Variants in RNF220 observed in about 807,000 individuals in gnomAD.
The protein encoded by RNF220 is E3 ubiquitin-protein ligase RNF220.
RNF220 carries 7 observed loss-of-function variants against 67.1 expected under a neutral mutation model. The ratio of observed to expected loss-of-function variants is 0.10; its 90% CI spans 0.06 to 0.20. The LOEUF (loss-of-function observed/expected upper bound fraction) is 0.20. Ranked by LOEUF, RNF220 falls within the 10% of genes least tolerant of loss-of-function variation. The pLI, the probability that RNF220 is intolerant of heterozygous loss-of-function variation, is 1.00. For synonymous variants in RNF220, 270 were observed against 283.2 expected (o/e 0.95, Z 0.47); for missense variants, 565 against 740.3 (o/e 0.76, Z 2.75).
intron 2 of RNF220, among the ~76,000 whole-genome samples, chr1:44,578,454 A>G (rs1664991952): frequency 1.3e-5 from 2 of 152,138 alleles, no homozygotes. Flanking sequence ...AAGTATTTCA[A>G]TTTGAGTCCA....
intron 2 of RNF220, among the ~76,000 whole-genome samples, chr1:44,544,522 A>T (rs572679333): frequency 7.9e-5 from 12 of 152,314 alleles, no homozygotes; most frequent in African/African-American, 2.9e-4. Flanking sequence ...TATAAATGCC[A>T]CTCAGCATTG....
intron 3 of RNF220, among the ~76,000 whole-genome samples, chr1:44,617,606 C>T (rs1018770204): frequency 6.6e-6 from 1 of 152,246 alleles, no homozygotes; most frequent in African/African-American, 2.4e-5. Context: ...CGCCCCTGCC[C>T]GCTCTCGGGA....
intron 2 of RNF220, among the ~76,000 whole-genome samples, chr1:44,459,626 C>T (rs946294018): frequency 6.6e-6 from 1 of 152,100 alleles, no homozygotes; most frequent in Non-Finnish European, 1.5e-5. Flanking sequence ...TGCAGGTGGA[C>T]CACATGGCCA....
chr1:44,475,169 G>A (rs1655182600), intron 2 of RNF220, among the ~76,000 whole-genome samples: 2 of 152,154 alleles, frequency 1.3e-5, no homozygotes, highest in Non-Finnish European at 2.9e-5. Context: ...TGTGTTTTGG[G>A]TGTGATTTAT....
intron 2 of RNF220, among the ~76,000 whole-genome samples, chr1:44,514,767 G>C (rs1437926270): frequency 6.6e-6 from 1 of 152,188 alleles, no homozygotes; most frequent in African/African-American, 2.4e-5. Context: ...ATTCACATGA[G>C]CTCAAGGGAA....
Position 44,412,186 on chromosome 1 carries a change from C to G in RNF220, c.89C>G (p.Ser30Cys). The stretch of plus-strand genomic sequence containing the variant: ...TCCCCAGCACTGATGGTCCTGGCAT[C>G]CACGGCTGAGGCCAGCCGTGATGCT... ...LASPALMVLASTAEASRDASI... is the reference protein window; with the variant it reads ...LASPALMVLACTAEASRDASI... The change falls in exon 2 of 15, where the codon TCC (serine) becomes TGC (cysteine). Residue 30 changes from serine (S) to cysteine (C), a missense_variant. By Grantham distance (112) the Ser-to-Cys change is moderately radical. Transcript: ENST00000361799. This position sits in a 1 kb window ranked among gnomAD's most constrained non-coding sequence, Gnocchi z 5.3. 1 of 1,614,202 alleles carries G rather than the reference C, an allele frequency of 6.2e-7. No homozygotes were observed. The highest frequency in any genetic ancestry group is 8.5e-7 in the Non-Finnish European group (1 of 1,180,018).
At chr1:44,421,483 T>C (rs1649207646) in intron 2 of RNF220, among the ~76,000 whole-genome samples, 1 of 151,936 alleles carries the variant, frequency 6.6e-6, no homozygotes, top group African/African-American at 2.4e-5. Context: ...CCCCCATCTG[T>C]GTGTGTCACA....
At chr1:44,426,215 G>A (rs1456440553) in intron 2 of RNF220, among the ~76,000 whole-genome samples, 1 of 152,232 alleles carries the variant, frequency 6.6e-6, no homozygotes, top group Non-Finnish European at 1.5e-5. Flanking sequence ...TTGGCTCAGA[G>A]GCACAGTGCT....
chr1:44,604,335 C>T (rs2148405711), intron 2 of RNF220, among the ~76,000 whole-genome samples: 1 of 152,326 alleles, frequency 6.6e-6, no homozygotes, highest in South Asian at 2.1e-4. Flanking sequence ...CTGGGAGGCC[C>T]TGCCTGCCCC....
chr1:44,593,410 T>C (rs1242564915), intron 2 of RNF220, among the ~76,000 whole-genome samples: 2 of 152,180 alleles, frequency 1.3e-5, no homozygotes, highest in Non-Finnish European at 2.9e-5. Context: ...ATATCTAAAG[T>C]GCTAAATATC....
chr1:44,532,506 G>A (rs1314193432), intron 2 of RNF220, among the ~76,000 whole-genome samples: 3 of 152,100 alleles, frequency 2.0e-5, no homozygotes, highest in African/African-American at 4.8e-5. Context: ...TAAAACTGTG[G>A]GTGAGCATTA....
intron 2 of RNF220, among the ~76,000 whole-genome samples, chr1:44,513,478 T>A (rs553856517): frequency 5.3e-5 from 8 of 151,618 alleles, no homozygotes; most frequent in South Asian, 2.1e-4. Flanking sequence ...AAGGCCCTTT[T>A]AAAAAAAAAC....
intron 1 of RNF220, among the ~76,000 whole-genome samples, chr1:44,409,375 A>G (rs888571072): frequency 3.9e-5 from 6 of 152,168 alleles, no homozygotes; most frequent in African/African-American, 7.2e-5. Context: ...ACTTTTTGCA[A>G]TCTGTTTGGA....
intron 8 of RNF220, 64 bp downstream of exon 8, chr1:44,636,226 G>T (rs1644324541): frequency 1.3e-6 from 2 of 1,564,290 alleles, no homozygotes; most frequent in Non-Finnish European, 1.7e-6. Flanking sequence ...GTATCCATCT[G>T]CTGGAAGCCA....
At chr1:44,579,008 A>G (rs569650300) in intron 2 of RNF220, among the ~76,000 whole-genome samples, 3 of 152,034 alleles carry the variant, frequency 2.0e-5, no homozygotes, top group African/African-American at 7.2e-5. Context: ...TACTAAAAAT[A>G]CAAAAAAATT....
intron 2 of RNF220, among the ~76,000 whole-genome samples, chr1:44,602,063 A>G (rs1666959974): frequency 6.6e-6 from 1 of 152,108 alleles, no homozygotes; most frequent in East Asian, 1.9e-4. Flanking sequence ...AATGGATACA[A>G]GTCTTTGAGA....
chr1:44,638,840 G>A (rs1292103265), intron 8 of RNF220, among the ~76,000 whole-genome samples: 1 of 152,220 alleles, frequency 6.6e-6, no homozygotes, highest in Non-Finnish European at 1.5e-5. Context: ...ACTGGAAACA[G>A]ATTTTTGAAA....
Position 44,650,681 on chromosome 1 carries a change from A to C in RNF220, c.1630-23A>C. 1 of 1,612,990 alleles carries C rather than the reference A, an allele frequency of 6.2e-7. No individual in the cohort carries two copies. Among genetic ancestry groups the C allele is most frequent in the Non-Finnish European group, 8.5e-7 (1 of 1,179,306 alleles). On this transcript the variant is annotated intron_variant, in intron 14 of 14. Transcript: ENST00000361799. This position sits in a 1 kb window ranked among gnomAD's most constrained non-coding sequence, Gnocchi z 4.3. ...ACACATGGCTCATTGTGTAGACCAG[A>C]GCCCTCCCTGTTCTCCCTGCAGGGT...
chr1:44,538,146 A>T (rs185007189), intron 2 of RNF220, among the ~76,000 whole-genome samples: 310 of 152,300 alleles, frequency 2.0e-3, no homozygotes, highest in African/African-American at 7.3e-3. Flanking sequence ...AGTTGTTGAT[A>T]AAAATGCTGT....
Sources: gnomAD v4.1 joint callset for allele counts (sites outside exome capture counted in the v4.1 genomes callset) on GRCh38, gnomAD v4.1.1 for gene constraint, Gnocchi (gnomAD v3.1) non-coding constraint, MANE v1.5 for transcripts, NCBI Gene and HGNC (gene_info 2026-07-23, HGNC 2026-07-21) for gene names.